SRGAP3: variants seen among roughly 807,000 people sequenced by gnomAD.
SRGAP3 encodes SLIT-ROBO Rho GTPase-activating protein 3.
In SRGAP3, 39 loss-of-function variants were observed where a neutral mutation model predicts 121.1. The observed-to-expected ratio is 0.32, with a 90% CI of 0.25 to 0.42. The LOEUF (loss-of-function observed/expected upper bound fraction) is 0.42. Among genes scored for constraint, SRGAP3 ranks in the 10% least tolerant of loss-of-function variants. The pLI, the probability that SRGAP3 is intolerant of heterozygous loss-of-function variation, is 1.00. For synonymous variants in SRGAP3, 601 were observed against 570.0 expected, an observed-to-expected ratio of 1.05 and a Z score of -0.77; for missense variants, 1,213 against 1,470.6, an observed-to-expected ratio of 0.82 and a Z score of 2.86.
At chr3:9,122,031 T>C (rs986350081) in intron 2 of SRGAP3, among the ~76,000 whole-genome samples, 1 of 152,226 alleles carries the variant, frequency 6.6e-6, no homozygotes, top group Admixed American at 6.5e-5. Flanking sequence ...ATTCTGTCTC[T>C]TTCCAATTGC....
intron 1 of SRGAP3, among the ~76,000 whole-genome samples, chr3:9,360,043 T>C (rs999957652): frequency 2.6e-5 from 4 of 152,148 alleles, no homozygotes; most frequent in African/African-American, 9.7e-5. Flanking sequence ...AATCCTCCCA[T>C]GTCAGCCTCT....
intron 1 of SRGAP3, among the ~76,000 whole-genome samples, chr3:9,233,371 T>C (rs1953291231): frequency 6.6e-6 from 1 of 152,214 alleles, no homozygotes; most frequent in Admixed American, 6.5e-5. Flanking sequence ...TCTATCTCTG[T>C]GACTTTAGCT....
chr3:9,227,316 T>C (rs867581463), intron 1 of SRGAP3, among the ~76,000 whole-genome samples: 2 of 152,222 alleles, frequency 1.3e-5, no homozygotes, highest in African/African-American at 2.4e-5. Context: ...CGTTCTGCCA[T>C]GAATGTTGTA....
Position 8,985,365 on chromosome 3 carries a change from A to G in SRGAP3, c.*154T>C. The G allele has an allele frequency of 7.1e-7, 1 of 1,409,370 alleles. No individual in the cohort carries two copies. Among genetic ancestry groups the G allele is most frequent in the Non-Finnish European group, 9.3e-7 (1 of 1,079,026 alleles). 87.3% of individuals were successfully genotyped at this position (1,409,370 alleles called of 1,614,324 possible). A position where few individuals can be genotyped will look rare whatever the true frequency, so the allele number is the denominator to read the frequency against. ...CCATGGCTGGACGTGAGCTGCAGCC[A>G]GCGCCCGGGCCTCAGCTCTGCACAG... On this transcript the variant is annotated 3_prime_UTR_variant, in exon 22 of 22. Transcript: ENST00000383836. This position sits in a 1 kb window ranked among gnomAD's most constrained non-coding sequence, Gnocchi z 5.1.
chr3:9,182,637 AT>A (rs1277411486), intron 1 of SRGAP3, among the ~76,000 whole-genome samples: 1 of 152,036 alleles, frequency 6.6e-6, no homozygotes, highest in Non-Finnish European at 1.5e-5. Context: ...TTATTTTAAA[AT>A]TTTTTTAATT....
At chr3:9,294,695 C>T (rs993326270) in intron 3 of SRGAP3, among the ~76,000 whole-genome samples, 3 of 119,818 alleles carry the variant, frequency 2.5e-5, no homozygotes, top group Non-Finnish European at 5.3e-5. Context: ...TTGAAGCTTT[C>T]GTGTGTGTGT....
intron 14 of SRGAP3, among the ~76,000 whole-genome samples, chr3:9,016,611 A>G (rs1379794737): frequency 6.6e-6 from 1 of 152,122 alleles, no homozygotes; most frequent in Non-Finnish European, 1.5e-5. Flanking sequence ...TTTTCCCCCT[A>G]CTTTGTAATA....
intron 1 of SRGAP3, among the ~76,000 whole-genome samples, chr3:9,178,519 T>G (rs1575193521): frequency 6.6e-6 from 1 of 152,180 alleles, no homozygotes; most frequent in East Asian, 1.9e-4. Flanking sequence ...TGAATTGTGT[T>G]TTTGACACTT....
At chr3:9,027,379 AGT>A (rs1944267796) in intron 12 of SRGAP3, among the ~76,000 whole-genome samples, 1 of 152,096 alleles carries the variant, frequency 6.6e-6, no homozygotes, top group Admixed American at 6.5e-5. Context: ...CTATTTTCTC[AGT>A]GCTCAAGGAT....
At chr3:9,205,632 A>T (rs1480640142) in intron 1 of SRGAP3, among the ~76,000 whole-genome samples, 1 of 152,230 alleles carries the variant, frequency 6.6e-6, no homozygotes. Flanking sequence ...CCCTGTGCTC[A>T]AGCAAACCAG....
At chr3:9,104,957 C>T in intron 2 of SRGAP3, 115 bp from the exon 3 acceptor site, 1 of 1,244,598 alleles carries the variant, frequency 8.0e-7, no homozygotes, top group Non-Finnish European at 1.2e-6. Flanking sequence ...CAAGGTCAGT[C>T]TTGTTGTTAC....
chr3:9,244,976 G>A (rs1319616598), intron 1 of SRGAP3, among the ~76,000 whole-genome samples: 4 of 152,180 alleles, frequency 2.6e-5, no homozygotes, highest in African/African-American at 9.7e-5. Flanking sequence ...CAATCCTTGG[G>A]CTATGTTAAT....
chr3:9,040,148 T>C (rs1944949861), intron 10 of SRGAP3, among the ~76,000 whole-genome samples: 1 of 152,236 alleles, frequency 6.6e-6, no homozygotes, highest in South Asian at 2.1e-4. Flanking sequence ...TCTTTTTAAC[T>C]GGGTCTCCTA....
Position 9,249,073 on chromosome 3 carries a change from T to A in SRGAP3, c.-122A>T. The A allele has an allele frequency of 1.1e-6, 1 of 941,632 alleles. No individual in the cohort carries two copies. Among genetic ancestry groups the A allele is most frequent in the East Asian group, 2.5e-5 (1 of 39,662 alleles). The allele number at this position is 941,632 out of a possible 1,614,324, so 58.3% of individuals were successfully genotyped here. A position where few individuals can be genotyped will look rare whatever the true frequency, so the allele number is the denominator to read the frequency against. On this transcript the variant is annotated 5_prime_UTR_variant, in exon 1 of 22. Transcript: ENST00000383836. ...TCGATTTCACAGGTTTAGGGACTAA[T>A]CTCTTTCACTTGGCTGCAGAGCAGG...
chr3:9,044,939 C>T (rs1288559783), intron 10 of SRGAP3, among the ~76,000 whole-genome samples: 1 of 152,090 alleles, frequency 6.6e-6, no homozygotes, highest in African/African-American at 2.4e-5. Context: ...GTATCTTTAT[C>T]GTGTAGTGGC....
At chr3:9,012,519 G>A (rs1188602401) in intron 17 of SRGAP3, among the ~76,000 whole-genome samples, 1 of 152,144 alleles carries the variant, frequency 6.6e-6, no homozygotes, top group Non-Finnish European at 1.5e-5. Flanking sequence ...TTTCTCCTAA[G>A]ACCTAGTGTA....
intron 1 of SRGAP3, among the ~76,000 whole-genome samples, chr3:9,338,510 C>CT (rs1188590478): frequency 1.3e-5 from 2 of 152,146 alleles, no homozygotes; most frequent in East Asian, 3.9e-4. Flanking sequence ...GGGATGGAAA[C>CT]TAAGTCATAG....
At chr3:9,292,377 C>G (rs1197484459) in intron 3 of SRGAP3, among the ~76,000 whole-genome samples, 1 of 152,074 alleles carries the variant, frequency 6.6e-6, no homozygotes. Context: ...CGTTCAAAAC[C>G]CTGCTTGGGT....
chr3:9,280,343 C>T (rs920394473), intron 3 of SRGAP3, among the ~76,000 whole-genome samples: 7 of 152,240 alleles, frequency 4.6e-5, no homozygotes, highest in African/African-American at 1.7e-4. Flanking sequence ...GCCAAGTTTG[C>T]TCCCTTTCTG....
Sources: gnomAD v4.1 joint callset for allele counts (sites outside exome capture counted in the v4.1 genomes callset) on GRCh38, gnomAD v4.1.1 for gene constraint, Gnocchi (gnomAD v3.1) non-coding constraint, MANE v1.5 for transcripts, NCBI Gene and HGNC (gene_info 2026-07-23, HGNC 2026-07-21) for gene names.